The following ABCA8 variants were observed in gnomAD, a reference collection of about 807,000 sequenced individuals.
The protein encoded by ABCA8 is ABC-type organic anion transporter ABCA8.
Under a neutral mutation model 192.3 loss-of-function variants are expected in ABCA8, and 177 were observed. The observed-to-expected ratio is 0.92, with a 90% CI of 0.81 to 1.04. ABCA8 has a LOEUF of 1.04. ABCA8 is among the 50% of genes least tolerant of loss of function. The pLI is 0.00. For missense variants in ABCA8, 1,915 were observed against 1,904.8 expected (o/e 1.01, Z -0.10); for synonymous variants, 642 against 690.2 (o/e 0.93, Z 1.09).
At chr17:68,923,716 G>GT (rs1160779871) in intron 11 of ABCA8, among the ~76,000 whole-genome samples, 3 of 152,142 alleles carry the variant, frequency 2.0e-5, no homozygotes, top group Non-Finnish European at 4.4e-5. Context: ...TATGGAACAG[G>GT]TTAAAAGAAC....
intron 21 of ABCA8, among the ~76,000 whole-genome samples, 154 bp from the exon 22 acceptor site, chr17:68,895,167 T>C (rs1444067042): frequency 6.6e-6 from 1 of 152,228 alleles, no homozygotes; most frequent in Non-Finnish European, 1.5e-5. Flanking sequence ...TTATTTCTCA[T>C]GGAATTCCTT....
At position 68,876,170 on chromosome 17, in the gene ABCA8, G is replaced by GT; in HGVS notation, c.4370+289dup. On this transcript the variant is annotated intron_variant, in intron 35 of 39. Transcript: ENST00000586539. Reference sequence around the variant, plus strand: ...TCTCATGCTAAGTATGGAACACTACGTGATTGTGATCTAGAAATGCACCTA... The same window carrying GT: ...TCTCATGCTAAGTATGGAACACTACGTTGATTGTGATCTAGAAATGCACCTA... 1.4e-5 allele frequency: 7 copies of GT among 503,264 alleles called. No homozygotes were observed. The South Asian group carries it at 1.6e-4, about 11-fold the overall frequency. 31.2% of individuals were successfully genotyped at this position (503,264 alleles called of 1,614,324 possible).
At chr17:68,930,604 A>G (rs1484125348) in intron 7 of ABCA8, among the ~76,000 whole-genome samples, 2 of 152,222 alleles carry the variant, frequency 1.3e-5, no homozygotes, top group East Asian at 3.8e-4. Context: ...CAAACATTAA[A>G]GCATTTTATT....
intron 17 of ABCA8, among the ~76,000 whole-genome samples, chr17:68,908,638 A>G (rs998726722): frequency 6.6e-6 from 1 of 152,230 alleles, no homozygotes; most frequent in African/African-American, 2.4e-5. Context: ...GAATAAGAAC[A>G]AAGTATCATT....
At chr17:68,933,304 C>T (rs1362645942) in intron 5 of ABCA8, 33 bp from the exon 6 acceptor site, 4 of 1,316,022 alleles carry the variant, frequency 3.0e-6, no homozygotes, top group Non-Finnish European at 4.4e-6. Flanking sequence ...ACTATCATTA[C>T]ATCACTATCT....
chr17:68,929,616 A>G lies in ABCA8; in HGVS notation c.884T>C (p.Ile295Thr). The G allele has an allele frequency of 1.2e-6, 2 of 1,613,920 alleles. No individual in the cohort carries two copies. The highest frequency in any genetic ancestry group is 2.2e-5 in the South Asian group (2 of 91,078). Reference protein sequence around the residue: ...ALVIRSTQFIILSGFMVVFSL... With the variant: ...ALVIRSTQFITLSGFMVVFSL... ...GAAGACTACCATGAAGCCAGACAAA[A>G]TGATAAACTGGGTAGATCTTATAAC... is the stretch of plus-strand genomic sequence containing the variant. Residue 295 changes from isoleucine (I) to threonine (T), a missense_variant, in exon 8 of 40, where the codon ATT (isoleucine) becomes ACT (threonine). Ile to Thr is a moderately conservative substitution (Grantham distance 89, BLOSUM62 -1). Coordinates refer to ENST00000586539, the MANE Select transcript of ABCA8 (RefSeq NM_001288985.2).
At chr17:68,938,236 G>A (rs544094677) in intron 4 of ABCA8, among the ~76,000 whole-genome samples, 7 of 152,040 alleles carry the variant, frequency 4.6e-5, no homozygotes, top group East Asian at 3.9e-4. Flanking sequence ...GTGAGGCGCC[G>A]TTGGAAAGCA....
chr17:68,901,568 G>T (rs2066912428), intron 21 of ABCA8, among the ~76,000 whole-genome samples: 2 of 152,186 alleles, frequency 1.3e-5, no homozygotes, highest in African/African-American at 4.8e-5. Flanking sequence ...AACACTTTGG[G>T]AGGCTGAGGC....
At chr17:68,935,498 G>T (rs1039622326) in intron 5 of ABCA8, among the ~76,000 whole-genome samples, 1 of 135,810 alleles carries the variant, frequency 7.4e-6, no homozygotes, top group African/African-American at 2.8e-5. Context: ...TTTATGTCTA[G>T]TCAAATTTAT....
chr17:68,869,661 C>G, intron 38 of ABCA8, 39 bp downstream of exon 38: 1 of 1,305,972 alleles, frequency 7.7e-7, no homozygotes, highest in Non-Finnish European at 1.1e-6. Context: ...TTGAAATTAT[C>G]TTCTTTCCAG....
At chr17:68,883,601 C>T (rs1464646806) in intron 29 of ABCA8, among the ~76,000 whole-genome samples, 190 bp downstream of exon 29, 1 of 152,124 alleles carries the variant, frequency 6.6e-6, no homozygotes, top group Non-Finnish European at 1.5e-5. Flanking sequence ...GTTTCAGGTC[C>T]GTTTCTTCCA....
intron 27 of ABCA8, 70 bp from the exon 28 acceptor site, chr17:68,884,466 A>T: frequency 1.3e-6 from 2 of 1,495,538 alleles, no homozygotes; most frequent in Non-Finnish European, 1.8e-6. Context: ...ATATACGTGA[A>T]TTGGCCCTAA....
intron 2 of ABCA8, among the ~76,000 whole-genome samples, chr17:68,944,359 T>TATATATACACAC (rs765731645): frequency 2.3e-4 from 16 of 69,468 alleles, no homozygotes; most frequent in African/African-American, 3.3e-4. Context: ...TATATATATA[T>TATATATACACAC]ACACATATAC....
rs1391761692 is a variant in ABCA8, at chr17:68,940,797, G to C, written c.262C>G (p.Gln88Glu). 1 of 1,613,528 alleles carries C rather than the reference G, an allele frequency of 6.2e-7. No individual in the cohort carries two copies. The highest frequency in any genetic ancestry group is 8.5e-7 in the Non-Finnish European group (1 of 1,179,558). The change falls in exon 4 of 40, where the codon CAG becomes GAG. Residue 88 changes from glutamine (Q) to glutamate (E), a missense_variant. Gln to Glu is a conservative substitution (Grantham distance 29). Transcript: ENST00000586539. ...VYTPVTNTTQ[Q>E]IMNKVASTPF... ...GTAGAGGCTACTTTATTCATTATCT[G>C]TTGGGTCGTGTTGGTGACAGGTGTG...
chr17:68,902,808 C>T lies in ABCA8; in HGVS notation c.2669G>A (p.Ser890Asn). 6.2e-7 allele frequency: 1 copy of T among 1,613,662 alleles called. No homozygotes were observed. Among genetic ancestry groups the T allele is most frequent in the Non-Finnish European group, 8.5e-7 (1 of 1,179,686 alleles). ...ATGAGGAGAAAGTTCCCAGGTGTAA[C>T]TGTTTTGATATATTTTCACCATGGT... ...EYTMVKIYQN[S>N]YTWELSPHLY... The change falls in exon 21 of 40, where the codon AGT (serine) becomes AAT (asparagine). Residue 890 changes from serine (S) to asparagine (N), a missense_variant. By Grantham distance (46) the Ser-to-Asn change is conservative. Transcript: ENST00000586539.
intron 12 of ABCA8, 74 bp from the exon 13 acceptor site, chr17:68,921,566 CCA>C: frequency 1.1e-6 from 1 of 872,038 alleles, no homozygotes; most frequent in Non-Finnish European, 1.8e-6. Context: ...AAAAAATATT[CCA>C]TTATGGAGCC....
intron 17 of ABCA8, among the ~76,000 whole-genome samples, chr17:68,915,159 T>C (rs990876266): frequency 1.3e-5 from 2 of 152,160 alleles, no homozygotes; most frequent in Non-Finnish European, 2.9e-5. Flanking sequence ...GACTTACTTA[T>C]AAGTCCTCAA....
At chr17:68,914,565 A>G (rs1242559039) in intron 17 of ABCA8, among the ~76,000 whole-genome samples, 1 of 152,160 alleles carries the variant, frequency 6.6e-6, no homozygotes, top group East Asian at 1.9e-4. Context: ...ATAAAATAAG[A>G]TACCTAGTGA....
chr17:68,912,052 C>A (rs2067238557), intron 17 of ABCA8, among the ~76,000 whole-genome samples: 1 of 152,128 alleles, frequency 6.6e-6, no homozygotes, highest in South Asian at 2.1e-4. Flanking sequence ...AATGCCCAGA[C>A]ACTGATGAAC....
Sources: allele counts gnomAD v4.1 joint callset (sites outside exome capture counted in the v4.1 genomes callset), GRCh38; gene constraint gnomAD v4.1.1; transcripts MANE v1.5; gene names NCBI Gene and HGNC (gene_info 2026-07-23, HGNC 2026-07-21).